NTRK2: variants seen among roughly 807,000 people sequenced by gnomAD.
NTRK2 encodes neurotrophic receptor tyrosine kinase 2.
A neutral mutation model predicts 94.5 loss-of-function variants in NTRK2; 13 were observed. That is an observed-to-expected ratio of 0.14 (90% CI 0.09 to 0.22). The LOEUF is 0.22. Ranked by LOEUF, NTRK2 falls within the 10% of genes least tolerant of loss-of-function variation. The probability of loss-of-function intolerance (pLI) is 1.00; values close to 1 mark genes in which losing one functional copy is unlikely to be tolerated. For missense variants in NTRK2, 639 were observed against 1,071.2 expected, an observed-to-expected ratio of 0.60 and a Z score of 5.63; for synonymous variants, 372 against 407.4, an observed-to-expected ratio of 0.91 and a Z score of 1.05.
At chr9:85,012,167 T>G (rs1358726757) in intron 17 of NTRK2, among the ~76,000 whole-genome samples, 2 of 151,816 alleles carry the variant, frequency 1.3e-5, no homozygotes, top group Non-Finnish European at 2.9e-5. Flanking sequence ...TTTTGTATTT[T>G]TAGTAGAGAC....
At chr9:84,708,900 A>G (rs765195802) in intron 5 of NTRK2, among the ~76,000 whole-genome samples, 1 of 152,372 alleles carries the variant, frequency 6.6e-6, no homozygotes, top group Non-Finnish European at 1.5e-5. Flanking sequence ...AATAGGCATG[A>G]CAAACTAAAG....
At chr9:84,851,900 A>G (rs2074792656) in intron 12 of NTRK2, among the ~76,000 whole-genome samples, 1 of 152,250 alleles carries the variant, frequency 6.6e-6, no homozygotes, top group African/African-American at 2.4e-5. Flanking sequence ...TATATATGTG[A>G]ATATAAATAA....
intron 16 of NTRK2, among the ~76,000 whole-genome samples, chr9:84,949,759 C>A (rs943799491): frequency 5.3e-5 from 8 of 152,196 alleles, no homozygotes; most frequent in Admixed American, 3.9e-4. Flanking sequence ...AGCCACCACA[C>A]CTGGCCCTGA....
intron 12 of NTRK2, among the ~76,000 whole-genome samples, chr9:84,759,743 C>G (rs980195389): frequency 6.6e-6 from 1 of 151,998 alleles, no homozygotes; most frequent in Admixed American, 6.6e-5. Context: ...CTTCTTTTCC[C>G]CCTTCACTTC....
chr9:84,889,076 C>T (rs1174840750), intron 14 of NTRK2, among the ~76,000 whole-genome samples: 4 of 143,796 alleles, frequency 2.8e-5, no homozygotes, highest in South Asian at 2.2e-4. Context: ...CTGCAAGCTC[C>T]GCCTCCCGGG....
chr9:84,824,107 G>A (rs1025048908), intron 12 of NTRK2, among the ~76,000 whole-genome samples: 15 of 152,196 alleles, frequency 9.9e-5, no homozygotes, highest in African/African-American at 3.4e-4. Context: ...GTCCCACCCT[G>A]AGCTTAGGGA....
At chr9:84,803,279 A>G (rs943515481) in intron 12 of NTRK2, among the ~76,000 whole-genome samples, 40 of 152,302 alleles carry the variant, frequency 2.6e-4, no homozygotes, top group African/African-American at 8.9e-4. Context: ...TTTCTTCCTC[A>G]TAATCCTCCT....
intron 17 of NTRK2, among the ~76,000 whole-genome samples, chr9:85,008,443 T>C (rs1481780197): frequency 6.6e-6 from 1 of 152,118 alleles, no homozygotes; most frequent in Non-Finnish European, 1.5e-5. Context: ...CAATGGGGCA[T>C]GACTGTATAA....
chr9:84,857,819 T>C (rs1196394297), intron 12 of NTRK2, among the ~76,000 whole-genome samples: 3 of 152,158 alleles, frequency 2.0e-5, no homozygotes, highest in Admixed American at 6.6e-5. Context: ...CCAGTTTCCA[T>C]TCTCAGATTG....
At chr9:84,911,663 AC>A (rs1275940114) in intron 14 of NTRK2, among the ~76,000 whole-genome samples, 2 of 152,060 alleles carry the variant, frequency 1.3e-5, no homozygotes, top group African/African-American at 2.4e-5. Context: ...TCTTTGTATT[AC>A]TAGAAGTTTG....
At chr9:84,820,184 T>G (rs2072702358) in intron 12 of NTRK2, among the ~76,000 whole-genome samples, 1 of 150,972 alleles carries the variant, frequency 6.6e-6, no homozygotes, top group Non-Finnish European at 1.5e-5. Flanking sequence ...TTTTTTTTTT[T>G]TTGGTGACAG....
chr9:84,832,711 G>A (rs534211582), intron 12 of NTRK2, among the ~76,000 whole-genome samples: 1 of 152,166 alleles, frequency 6.6e-6, no homozygotes, highest in Non-Finnish European at 1.5e-5. Context: ...AAAACATAAA[G>A]AGGACCTGCC....
intron 12 of NTRK2, among the ~76,000 whole-genome samples, chr9:84,782,396 G>T (rs1044886003): frequency 6.6e-6 from 1 of 152,224 alleles, no homozygotes; most frequent in Non-Finnish European, 1.5e-5. Flanking sequence ...AAACGGAACT[G>T]TGAAGAAGCA....
At chr9:84,985,549 A>C (rs1828187566) in intron 17 of NTRK2, among the ~76,000 whole-genome samples, 1 of 152,218 alleles carries the variant, frequency 6.6e-6, no homozygotes. Context: ...ACCTATTAAG[A>C]GTGATATCTA....
intron 16 of NTRK2, among the ~76,000 whole-genome samples, chr9:84,954,340 C>T (rs1157442224): frequency 1.3e-5 from 2 of 152,176 alleles, no homozygotes; most frequent in African/African-American, 4.8e-5. Context: ...GCGCTGAGGG[C>T]GGCATCCTAA....
intron 8 of NTRK2, among the ~76,000 whole-genome samples, chr9:84,724,680 A>C (rs1314576239): frequency 6.6e-6 from 1 of 152,132 alleles, no homozygotes; most frequent in Non-Finnish European, 1.5e-5. Context: ...AATTTTCGTA[A>C]ATCAGTTTCT....
chr9:84,684,498 G>T (rs1210339925), intron 2 of NTRK2, among the ~76,000 whole-genome samples: 1 of 152,154 alleles, frequency 6.6e-6, no homozygotes, highest in Admixed American at 6.5e-5. Flanking sequence ...AAGATCAGAT[G>T]GTTGTAGATG....
chr9:84,783,781 C>T (rs997991017), intron 12 of NTRK2, among the ~76,000 whole-genome samples: 10 of 150,754 alleles, frequency 6.6e-5, no homozygotes, highest in South Asian at 4.2e-4. Context: ...GAGCAGAGAA[C>T]GGGGGTAGAG....
At chr9:84,722,115 ATTGT>A (rs1004074022) in intron 6 of NTRK2, among the ~76,000 whole-genome samples, 27 of 139,532 alleles carry the variant, frequency 1.9e-4, no homozygotes, top group African/African-American at 7.5e-4. Context: ...TCTGTTAATC[ATTGT>A]TATATATTTC....
Sources: gnomAD v4.1 joint callset for allele counts (sites outside exome capture counted in the v4.1 genomes callset) on GRCh38, gnomAD v4.1.1 for gene constraint, MANE v1.5 for transcripts, NCBI Gene and HGNC (gene_info 2026-07-23, HGNC 2026-07-21) for gene names.